PTPRG: variants seen among roughly 807,000 people sequenced by gnomAD.
The protein encoded by PTPRG is receptor-type tyrosine-protein phosphatase gamma.
Under a neutral mutation model 165.3 loss-of-function variants are expected in PTPRG, and 102 were observed. The ratio of observed to expected loss-of-function variants is 0.62; its 90% CI spans 0.53 to 0.73. The LOEUF is 0.73. Ranked by LOEUF, PTPRG falls within the 30% of genes least tolerant of loss-of-function variation. The pLI is 0.00. For synonymous variants in PTPRG, 675 were observed against 669.5 expected, an observed-to-expected ratio of 1.01 and a Z score of -0.13; for missense variants, 1,866 against 1,861.4, an observed-to-expected ratio of 1.00 and a Z score of -0.05.
At chr3:62,123,410 C>G (rs4402932) in intron 5 of PTPRG, among the ~76,000 whole-genome samples, 51,289 of 152,030 alleles carry the variant, frequency 0.34, 9,086 homozygotes, top group East Asian at 0.51. Flanking sequence ...CAAACACTGG[C>G]TAATGTTTTT....
chr3:61,736,421 T>C (rs967383522), intron 1 of PTPRG, among the ~76,000 whole-genome samples: 1 of 151,786 alleles, frequency 6.6e-6, no homozygotes, highest in East Asian at 2.0e-4. Context: ...TGTGAATACT[T>C]GTATTTGGCT....
intron 6 of PTPRG, among the ~76,000 whole-genome samples, chr3:62,138,389 T>A (rs1303086242): frequency 6.6e-6 from 1 of 152,142 alleles, no homozygotes; most frequent in East Asian, 1.9e-4. Flanking sequence ...ACCAACCTAT[T>A]TGCATCAACA....
chr3:62,034,389 A>C (rs1699875474), intron 4 of PTPRG, among the ~76,000 whole-genome samples: 1 of 152,212 alleles, frequency 6.6e-6, no homozygotes, highest in Non-Finnish European at 1.5e-5. Context: ...TGAAGTACAA[A>C]GAGGTGAGGC....
At chr3:62,175,941 C>T (rs7627359) in intron 8 of PTPRG, among the ~76,000 whole-genome samples, 40,341 of 152,042 alleles carry the variant, frequency 0.27, 6,485 homozygotes, top group African/African-American at 0.45. Context: ...GCTGGAGAAG[C>T]AGGCAAGAGC....
At chr3:61,682,987 T>C (rs779827654) in intron 1 of PTPRG, among the ~76,000 whole-genome samples, 1 of 152,186 alleles carries the variant, frequency 6.6e-6, no homozygotes, top group African/African-American at 2.4e-5. Context: ...TTTCTCTCTT[T>C]CTTCCTTCCT....
chr3:61,603,391 C>A (rs1700917481), intron 1 of PTPRG, among the ~76,000 whole-genome samples: 1 of 152,100 alleles, frequency 6.6e-6, no homozygotes, highest in Admixed American at 6.6e-5. Flanking sequence ...CCTCACCTAC[C>A]CCCACTTGCT....
At chr3:61,749,869 C>G (rs2033361808) in intron 2 of PTPRG, 1 of 152,316 alleles carries the variant, frequency 6.6e-6, no homozygotes, top group East Asian at 1.9e-4. Context: ...AATGTTGTTG[C>G]ATATAGAACT....
At chr3:61,932,149 G>A (rs142233279) in intron 2 of PTPRG, among the ~76,000 whole-genome samples, 193 of 152,302 alleles carry the variant, frequency 1.3e-3, no homozygotes, top group African/African-American at 3.4e-3. Flanking sequence ...CACTAAGTGT[G>A]TGTCAGATGG....
intron 1 of PTPRG, among the ~76,000 whole-genome samples, chr3:61,606,666 G>A (rs770457231): frequency 6.6e-6 from 1 of 152,190 alleles, no homozygotes; most frequent in Non-Finnish European, 1.5e-5. Flanking sequence ...GGCACTGGAG[G>A]CATTCCTTGT....
At chr3:62,014,542 C>G (rs778429404) in intron 4 of PTPRG, among the ~76,000 whole-genome samples, 10 of 152,114 alleles carry the variant, frequency 6.6e-5, no homozygotes, top group Non-Finnish European at 1.5e-4. Flanking sequence ...CTGAATCTCC[C>G]TATTAAAACC....
At chr3:62,133,089 C>A (rs1365896529) in intron 6 of PTPRG, among the ~76,000 whole-genome samples, 2 of 152,208 alleles carry the variant, frequency 1.3e-5, no homozygotes, top group Admixed American at 6.5e-5. Flanking sequence ...AGCATGTGAA[C>A]AAGCGTCATG....
At chr3:62,186,028 T>C (rs1450829135) in intron 8 of PTPRG, among the ~76,000 whole-genome samples, 2 of 152,164 alleles carry the variant, frequency 1.3e-5, no homozygotes, top group African/African-American at 2.4e-5. Context: ...AGGGTTTCCA[T>C]CACTTAAAGA....
chr3:61,815,096 T>G (rs2035713465), intron 2 of PTPRG, among the ~76,000 whole-genome samples: 2 of 151,940 alleles, frequency 1.3e-5, no homozygotes, highest in African/African-American at 4.8e-5. Flanking sequence ...TTAGTTTTGT[T>G]TATTATTAAA....
intron 5 of PTPRG, among the ~76,000 whole-genome samples, chr3:62,082,323 C>T (rs1027831409): frequency 2.0e-5 from 3 of 152,028 alleles, no homozygotes; most frequent in Non-Finnish European, 2.9e-5. Flanking sequence ...CATAATGTTG[C>T]CCCCCAAAAG....
Position 61,730,027 on chromosome 3 carries a change from G to T in PTPRG, c.86-18851G>T, listed in dbSNP as rs1014794537. 4.6e-5 allele frequency among the ~76,000 whole-genome samples: 7 copies of T among 152,180 alleles called. No individual in the cohort carries two copies. The East Asian group carries it at 7.7e-4, about 17-fold the overall frequency. ...TCGTTTGCTCCATGAAAATGATAGT[G>T]CGTCTTATTTTGCACCTGAGATATG... On this transcript the variant is annotated intron_variant, in intron 1 of 29. Transcript: ENST00000474889.
intron 5 of PTPRG, among the ~76,000 whole-genome samples, chr3:62,126,685 A>AT (rs993878545): frequency 6.6e-6 from 1 of 152,216 alleles, no homozygotes; most frequent in African/African-American, 2.4e-5. Flanking sequence ...TGATCCTGGA[A>AT]TTTAGTAGTT....
intron 1 of PTPRG, among the ~76,000 whole-genome samples, chr3:61,604,211 G>C (rs1575531485): frequency 1.3e-5 from 2 of 152,092 alleles, no homozygotes; most frequent in African/African-American, 4.8e-5. Context: ...GTATTCCCAG[G>C]TACTCGGGAG....
intron 6 of PTPRG, among the ~76,000 whole-genome samples, chr3:62,144,802 C>T (rs1704060086): frequency 6.6e-6 from 1 of 152,118 alleles, no homozygotes; most frequent in Non-Finnish European, 1.5e-5. Flanking sequence ...TGCTGTGCGA[C>T]TTCTATTTTA....
intron 1 of PTPRG, among the ~76,000 whole-genome samples, chr3:61,688,544 C>A (rs896193275): frequency 1.3e-5 from 2 of 152,192 alleles, no homozygotes; most frequent in Admixed American, 1.3e-4. Context: ...TTCGCATTTT[C>A]CTCTGTTCTG....
Sources: allele counts gnomAD v4.1 joint callset (sites outside exome capture counted in the v4.1 genomes callset), GRCh38; gene constraint gnomAD v4.1.1; transcripts MANE v1.5; gene names NCBI Gene and HGNC (gene_info 2026-07-23, HGNC 2026-07-21).